MAF: variants seen among roughly 807,000 people sequenced by gnomAD.
MAF encodes transcription factor Maf.
In MAF, 10 loss-of-function variants were observed where a neutral mutation model predicts 22.0. That is an observed-to-expected ratio of 0.45 (90% confidence interval 0.28 to 0.77). MAF has a LOEUF of 0.77. Among genes scored for constraint, MAF ranks in the 30% least tolerant of loss-of-function variants. MAF has a pLI of 0.12. For missense variants in MAF, 544 were observed against 548.4 expected, an observed-to-expected ratio of 0.99 and a Z score of 0.08; for synonymous variants, 337 against 255.8, an observed-to-expected ratio of 1.32 and a Z score of -3.03.
At chr16:79,544,945 G>A in the MAF span, among the ~76,000 whole-genome samples, 1 of 152,044 alleles carries the variant, frequency 6.6e-6, no homozygotes, top group Non-Finnish European at 1.5e-5. Flanking sequence ...TTCATGTTTG[G>A]CCATTGCTAA....
At chr16:79,287,415 G>C in the MAF span, among the ~76,000 whole-genome samples, 1 of 152,170 alleles carries the variant, frequency 6.6e-6, no homozygotes, top group African/African-American at 2.4e-5. Flanking sequence ...AGGCACAGCT[G>C]ATGTGAGTCC....
chr16:79,256,620 C>T, the MAF span, among the ~76,000 whole-genome samples: 1 of 152,156 alleles, frequency 6.6e-6, no homozygotes, highest in Non-Finnish European at 1.5e-5. Context: ...TAACCATGGA[C>T]ATAGATCTTT....
the MAF span, among the ~76,000 whole-genome samples, chr16:79,517,654 A>G: frequency 6.8e-6 from 1 of 146,002 alleles, no homozygotes; most frequent in East Asian, 2.0e-4. Context: ...GGCTCACTGC[A>G]ATCTCTGCCT....
At chr16:79,579,039 A>G in the MAF span, among the ~76,000 whole-genome samples, 1 of 152,182 alleles carries the variant, frequency 6.6e-6, no homozygotes. Flanking sequence ...AAAAATGCCA[A>G]CTGACAAGCA....
chr16:79,307,440 G>A, the MAF span, among the ~76,000 whole-genome samples: 20 of 152,186 alleles, frequency 1.3e-4, no homozygotes, highest in Non-Finnish European at 1.9e-4. Context: ...TAGAAGCAAC[G>A]CATCAGCAGC....
At chr16:79,427,339 A>G in the MAF span, among the ~76,000 whole-genome samples, 1 of 152,248 alleles carries the variant, frequency 6.6e-6, no homozygotes, top group Non-Finnish European at 1.5e-5. Flanking sequence ...TCCATCTGCC[A>G]TATCCTGGGG....
At chr16:79,552,660 TC>T in the MAF span, among the ~76,000 whole-genome samples, 1 of 152,222 alleles carries the variant, frequency 6.6e-6, no homozygotes. Context: ...CAGGACAGGA[TC>T]TTGGCTCTCA....
chr16:79,498,679 T>C, the MAF span, among the ~76,000 whole-genome samples: 1 of 152,232 alleles, frequency 6.6e-6, no homozygotes, highest in Non-Finnish European at 1.5e-5. Context: ...GAAGTTCATA[T>C]GCCTGGTTAG....
At chr16:79,448,934 C>G in the MAF span, among the ~76,000 whole-genome samples, 1 of 152,056 alleles carries the variant, frequency 6.6e-6, no homozygotes, top group African/African-American at 2.4e-5. Context: ...TTATTGTGCA[C>G]TTTATTTCTG....
chr16:79,354,923 A>T, the MAF span, among the ~76,000 whole-genome samples: 1 of 152,320 alleles, frequency 6.6e-6, no homozygotes, highest in East Asian at 1.9e-4. Context: ...TAGAAGGAAA[A>T]AATAAGTGGG....
the MAF span, among the ~76,000 whole-genome samples, chr16:79,377,915 G>A: frequency 3.1e-4 from 47 of 152,248 alleles, 1 homozygote; most frequent in African/African-American, 1.1e-3. Context: ...GTACCATGCT[G>A]TTTTGGTTAC....
At chr16:79,280,762 C>T in the MAF span, among the ~76,000 whole-genome samples, 1 of 152,222 alleles carries the variant, frequency 6.6e-6, no homozygotes, top group South Asian at 2.1e-4. Context: ...CCTATCCTGG[C>T]TTCCCTGTCA....
the MAF span, among the ~76,000 whole-genome samples, chr16:79,399,501 G>T: frequency 6.6e-6 from 1 of 152,272 alleles, no homozygotes; most frequent in East Asian, 1.9e-4. Context: ...TAACATCATG[G>T]CTTCAGCCTA....
chr16:79,546,892 A>G, the MAF span, among the ~76,000 whole-genome samples: 2 of 148,504 alleles, frequency 1.3e-5, no homozygotes, highest in East Asian at 3.9e-4. Context: ...ATTGGAAACT[A>G]ATTAAGGAGG....
the MAF span, among the ~76,000 whole-genome samples, chr16:79,558,670 C>T: frequency 1.3e-5 from 2 of 152,102 alleles, no homozygotes; most frequent in Non-Finnish European, 2.9e-5. Context: ...AGTCCCAGGC[C>T]CTGAGGATAC....
the MAF span, among the ~76,000 whole-genome samples, chr16:79,469,105 T>G: frequency 1.3e-5 from 2 of 152,140 alleles, no homozygotes; most frequent in Admixed American, 6.5e-5. Flanking sequence ...TGCGTTCCTC[T>G]AAAGCAGAGG....
At chr16:79,517,568 CTTT>C in the MAF span, among the ~76,000 whole-genome samples, 1 of 99,784 alleles carries the variant, frequency 1.0e-5, no homozygotes, top group South Asian at 3.6e-4. Context: ...ACTGTTTAGT[CTTT>C]TTTTTTTTTT....
the MAF span, among the ~76,000 whole-genome samples, chr16:79,396,322 C>G: frequency 3.3e-5 from 5 of 152,146 alleles, no homozygotes; most frequent in African/African-American, 1.2e-4. Flanking sequence ...ATAGGTTTAA[C>G]TGGATGCAAT....
chr16:79,418,247 C>G, the MAF span, among the ~76,000 whole-genome samples: 2 of 151,906 alleles, frequency 1.3e-5, no homozygotes, highest in Non-Finnish European at 2.9e-5. Context: ...GATATGAAAA[C>G]GAGTTGAGTT....
Sources: allele counts gnomAD v4.1 joint callset (sites outside exome capture counted in the v4.1 genomes callset), GRCh38; gene constraint gnomAD v4.1.1; transcripts MANE v1.5; gene names NCBI Gene and HGNC (gene_info 2026-07-23, HGNC 2026-07-21).